EPHA6: variants seen among roughly 807,000 people sequenced by gnomAD.
EPHA6 encodes EPH receptor A6.
Under a neutral mutation model 112.0 loss-of-function variants are expected in EPHA6, and 50 were observed. The observed-to-expected ratio is 0.45, with a 90% CI of 0.36 to 0.56. The LOEUF (loss-of-function observed/expected upper bound fraction) is 0.56, where lower values mean the gene tolerates loss of function less well. Among genes scored for constraint, EPHA6 ranks in the 20% least tolerant of loss-of-function variants. The probability of loss-of-function intolerance (pLI) is 0.00; values close to 1 mark genes in which losing one functional copy is unlikely to be tolerated. For missense variants in EPHA6, 1,280 were observed against 1,417.4 expected (o/e 0.90, Z 1.56); for synonymous variants, 529 against 490.7 (o/e 1.08, Z -1.03).
intron 2 of EPHA6, among the ~76,000 whole-genome samples, chr3:96,884,277 G>A (rs911922316): frequency 2.0e-5 from 3 of 151,970 alleles, no homozygotes; most frequent in African/African-American, 7.3e-5. Context: ...TTTTTTGATG[G>A]GGATTGCATT....
At chr3:97,321,644 G>A (rs2082125482) in intron 5 of EPHA6, among the ~76,000 whole-genome samples, 1 of 151,492 alleles carries the variant, frequency 6.6e-6, no homozygotes, top group Non-Finnish European at 1.5e-5. Flanking sequence ...TCTCTCTTTT[G>A]CTTGGTTAGC....
chr3:96,919,367 A>G (rs1444096797), intron 2 of EPHA6, among the ~76,000 whole-genome samples: 1 of 151,954 alleles, frequency 6.6e-6, no homozygotes. Flanking sequence ...GTACACACAT[A>G]TACATAAAAT....
intron 1 of EPHA6, among the ~76,000 whole-genome samples, chr3:96,828,083 A>G (rs1170738291): frequency 6.6e-6 from 1 of 152,094 alleles, no homozygotes; most frequent in Non-Finnish European, 1.5e-5. Flanking sequence ...TGGAAAAATA[A>G]GCATATAGAA....
chr3:96,870,369 C>T (rs1325997559), intron 2 of EPHA6, among the ~76,000 whole-genome samples: 1 of 152,146 alleles, frequency 6.6e-6, no homozygotes, highest in Non-Finnish European at 1.5e-5. Context: ...AGACAGATGT[C>T]GCAGCTTAAG....
At chr3:97,483,816 T>G in intron 9 of EPHA6, 118 bp from the exon 10 acceptor site, 1 of 1,101,954 alleles carries the variant, frequency 9.1e-7, no homozygotes, top group Non-Finnish European at 1.2e-6. Context: ...AAAGAGAGAC[T>G]TTAAATCATT....
chr3:96,942,642 C>T (rs1203642711), intron 2 of EPHA6, among the ~76,000 whole-genome samples: 3 of 152,210 alleles, frequency 2.0e-5, no homozygotes, highest in Non-Finnish European at 4.4e-5. Flanking sequence ...CTGTCTGGCA[C>T]TCCCTAGTGA....
At chr3:96,955,285 GT>G (rs1172556513) in intron 2 of EPHA6, among the ~76,000 whole-genome samples, 2 of 152,036 alleles carry the variant, frequency 1.3e-5, no homozygotes, top group Non-Finnish European at 2.9e-5. Flanking sequence ...CATTAATGGT[GT>G]TTTTTGTCTA....
chr3:97,588,095 T>A (rs989060474), intron 11 of EPHA6, among the ~76,000 whole-genome samples: 5 of 152,140 alleles, frequency 3.3e-5, no homozygotes, highest in African/African-American at 7.2e-5. Flanking sequence ...ATTGTATATA[T>A]TTATAAAAAA....
At chr3:96,950,306 T>A (rs1204930243) in intron 2 of EPHA6, among the ~76,000 whole-genome samples, 1 of 152,098 alleles carries the variant, frequency 6.6e-6, no homozygotes, top group East Asian at 1.9e-4. Flanking sequence ...CTAGTTCAAA[T>A]ACTAATGCCA....
intron 3 of EPHA6, among the ~76,000 whole-genome samples, chr3:97,001,685 T>A (rs986641064): frequency 1.3e-5 from 2 of 151,996 alleles, no homozygotes; most frequent in African/African-American, 2.4e-5. Flanking sequence ...AATGGTAGTC[T>A]CAGTTTTACA....
intron 2 of EPHA6, among the ~76,000 whole-genome samples, chr3:96,967,222 G>A (rs2042154369): frequency 6.7e-6 from 1 of 148,308 alleles, no homozygotes; most frequent in Non-Finnish European, 1.5e-5. Flanking sequence ...TGTAACATAG[G>A]TTATATAATA....
intron 3 of EPHA6, among the ~76,000 whole-genome samples, chr3:97,204,604 T>G (rs1294703735): frequency 6.6e-6 from 1 of 152,132 alleles, no homozygotes; most frequent in Non-Finnish European, 1.5e-5. Flanking sequence ...ACTGTGTTCT[T>G]TCTATGAGAA....
intron 14 of EPHA6, among the ~76,000 whole-genome samples, chr3:97,668,731 T>C (rs1285265268): frequency 3.3e-5 from 5 of 151,492 alleles, no homozygotes; most frequent in Non-Finnish European, 5.9e-5. Flanking sequence ...CTGGGCAACA[T>C]GGCAAAAACC....
intron 3 of EPHA6, among the ~76,000 whole-genome samples, chr3:97,225,996 CGTGTGAGTGT>C (rs1257579459): frequency 6.6e-6 from 1 of 151,874 alleles, no homozygotes; most frequent in African/African-American, 2.4e-5. Flanking sequence ...TGCACGTGCC[CGTGTGAGTGT>C]GTGTGTGTGT....
chr3:97,736,473 G>GTGTA (rs2035265646), intron 16 of EPHA6, among the ~76,000 whole-genome samples: 1 of 118,490 alleles, frequency 8.4e-6, no homozygotes, highest in Non-Finnish European at 1.8e-5. Context: ...GAGAGAGAGT[G>GTGTA]TGTGTGTGTG....
At chr3:97,328,721 A>G (rs914573265) in intron 5 of EPHA6, among the ~76,000 whole-genome samples, 2 of 151,944 alleles carry the variant, frequency 1.3e-5, no homozygotes, top group African/African-American at 4.8e-5. Flanking sequence ...TGACTTATCA[A>G]TTTTACTTTT....
chr3:97,652,000 C>G (rs1040629169), intron 14 of EPHA6, among the ~76,000 whole-genome samples: 2 of 151,874 alleles, frequency 1.3e-5, no homozygotes, highest in Non-Finnish European at 2.9e-5. Context: ...CAACCCTAAC[C>G]CCACCTCTGT....
chr3:97,132,185 T>C (rs1001015780), intron 3 of EPHA6, among the ~76,000 whole-genome samples: 2 of 152,100 alleles, frequency 1.3e-5, no homozygotes, highest in African/African-American at 4.8e-5. Context: ...AGAGCACTTA[T>C]CTAGTTTAAA....
chr3:97,181,199 A>T (rs1420925095), intron 3 of EPHA6, among the ~76,000 whole-genome samples: 7 of 152,166 alleles, frequency 4.6e-5, no homozygotes, highest in Non-Finnish European at 1.0e-4. Flanking sequence ...TTTCTCCCCC[A>T]GTGTCCAGAT....
Sources: gnomAD v4.1 joint callset for allele counts (sites outside exome capture counted in the v4.1 genomes callset) on GRCh38, gnomAD v4.1.1 for gene constraint, MANE v1.5 for transcripts, NCBI Gene and HGNC (gene_info 2026-07-23, HGNC 2026-07-21) for gene names.